PIK3CB: variants seen among roughly 807,000 people sequenced by gnomAD.
PIK3CB encodes phosphatidylinositol 4,5-bisphosphate 3-kinase catalytic subunit beta isoform.
A neutral mutation model predicts 136.8 loss-of-function variants in PIK3CB; 39 were observed. The ratio of observed to expected loss-of-function variants is 0.29; its 90% CI spans 0.22 to 0.37. The LOEUF (loss-of-function observed/expected upper bound fraction) is 0.37. Ranked by LOEUF, PIK3CB falls within the 10% of genes least tolerant of loss-of-function variation. The pLI is 1.00. For synonymous variants in PIK3CB, 428 were observed against 436.6 expected, an observed-to-expected ratio of 0.98 and a Z score of 0.25; for missense variants, 868 against 1,275.4, an observed-to-expected ratio of 0.68 and a Z score of 4.87.
chr3:138,696,007 G>A (rs2044130646), intron 13 of PIK3CB, among the ~76,000 whole-genome samples: 1 of 147,150 alleles, frequency 6.8e-6, no homozygotes, highest in African/African-American at 2.5e-5. Context: ...CTGACGTCAG[G>A]TGATCCACCC....
intron 21 of PIK3CB, 49 bp downstream of exon 21, chr3:138,663,857 A>G (rs961872349): frequency 4.4e-6 from 7 of 1,574,066 alleles, no homozygotes; most frequent in Non-Finnish European, 6.0e-6. Flanking sequence ...TGCTATACAT[A>G]AGAAATAGCA....
chr3:138,732,082 A>G (rs953329042), intron 8 of PIK3CB, among the ~76,000 whole-genome samples: 1 of 152,188 alleles, frequency 6.6e-6, no homozygotes, highest in African/African-American at 2.4e-5. Context: ...CATATATTTA[A>G]GGTGTACAAC....
chr3:138,789,325 G>C (rs182009550), intron 2 of PIK3CB, among the ~76,000 whole-genome samples: 2 of 152,176 alleles, frequency 1.3e-5, no homozygotes, highest in Non-Finnish European at 2.9e-5. Flanking sequence ...CAGGTGTGGT[G>C]GTGGGCACCT....
intron 1 of PIK3CB, among the ~76,000 whole-genome samples, chr3:138,829,900 T>C (rs1933947405): frequency 6.6e-6 from 1 of 152,188 alleles, no homozygotes. Context: ...AGGTGTCATG[T>C]AGGCAGGCAG....
intron 4 of PIK3CB, among the ~76,000 whole-genome samples, chr3:138,748,366 A>G (rs538100317): frequency 2.6e-5 from 4 of 151,838 alleles, no homozygotes; most frequent in Non-Finnish European, 5.9e-5. Flanking sequence ...CATCTCTGAA[A>G]CCTTCCCTTT....
intron 1 of PIK3CB, among the ~76,000 whole-genome samples, chr3:138,800,669 T>TGCTGGAG (rs2046162908): frequency 6.6e-6 from 1 of 152,088 alleles, no homozygotes; most frequent in African/African-American, 2.4e-5. Flanking sequence ...CTGTCACCCA[T>TGCTGGAG]GCTGGAGTGC....
At chr3:138,699,861 G>C (rs2044212512) in intron 12 of PIK3CB, among the ~76,000 whole-genome samples, 1 of 152,028 alleles carries the variant, frequency 6.6e-6, no homozygotes, top group African/African-American at 2.4e-5. Flanking sequence ...TCTCCAAGGA[G>C]CACTTACTTA....
In PIK3CB at chr3:138,697,967, A is replaced by C. The variant is rs1244188533; in HGVS notation, c.1770+940T>G. Among the ~76,000 whole-genome samples the C allele has an allele frequency of 7.9e-5, 12 of 152,018 alleles. No individual in the cohort carries two copies. In the South Asian group the frequency reaches 2.3e-3, roughly 29 times the overall value. The stretch of plus-strand genomic sequence containing the variant: ...AGGCTGGTCTGGAACTCCTGAGCTC[A>C]AGCGATCCACCTGCCTTGGCCTCCC... On this transcript the variant is annotated intron_variant, in intron 13 of 23. Transcript: ENST00000674063.
intron 19 of PIK3CB, among the ~76,000 whole-genome samples, chr3:138,675,903 G>A (rs2043632876): frequency 4.6e-5 from 7 of 152,158 alleles, no homozygotes; most frequent in Admixed American, 4.6e-4. Context: ...TTTTGACATA[G>A]ATGCCAAGAT....
intron 19 of PIK3CB, among the ~76,000 whole-genome samples, chr3:138,678,037 C>G (rs1260457040): frequency 6.6e-6 from 1 of 152,018 alleles, no homozygotes. Context: ...ACTTGTAAGA[C>G]TGAGGTGGGA....
At chr3:138,771,563 A>G (rs1454440435) in intron 2 of PIK3CB, among the ~76,000 whole-genome samples, 1 of 152,224 alleles carries the variant, frequency 6.6e-6, no homozygotes, top group Non-Finnish European at 1.5e-5. Flanking sequence ...CCGAATTGCT[A>G]TAATTATATG....
chr3:138,696,626 T>G (rs2044143046), intron 13 of PIK3CB, among the ~76,000 whole-genome samples: 2 of 152,118 alleles, frequency 1.3e-5, no homozygotes, highest in Non-Finnish European at 2.9e-5. Context: ...AATCAAAATC[T>G]CATGGGTTAT....
chr3:138,705,405 C>T (rs895151855), intron 11 of PIK3CB, among the ~76,000 whole-genome samples: 7 of 151,724 alleles, frequency 4.6e-5, no homozygotes, highest in African/African-American at 7.3e-5. Flanking sequence ...ACTACATAAA[C>T]GTATTGGATG....
chr3:138,664,987 TGTTTG>T, intron 20 of PIK3CB, 44 bp downstream of exon 20: 12 of 1,318,930 alleles, frequency 9.1e-6, no homozygotes, highest in Non-Finnish European at 1.3e-5. Flanking sequence ...ATACAGTATT[TGTTTG>T]GCTGTTTGTA....
Position 138,737,849 on chromosome 3 carries a change from G to A in PIK3CB, c.659C>T (p.Pro220Leu). 6.2e-7 allele frequency: 1 copy of A among 1,606,384 alleles called. No homozygotes were observed. The highest frequency in any genetic ancestry group is 2.3e-5 in the East Asian group (1 of 44,360). Reference sequence around the variant, plus strand: ...GATTGCCAATTCATTTACTTTGATAGGATTCATATTAGGAGACACTTGAAA... The same window carrying A: ...GATTGCCAATTCATTTACTTTGATAAGATTCATATTAGGAGACACTTGAAA... ...FSFQVSPNMN[P>L]IKVNELAIQK... Residue 220 changes from proline (P) to leucine (L), a missense_variant, in exon 6 of 24, where the codon CCT becomes CTT. By Grantham distance (98) the Pro-to-Leu change is moderately conservative. Around this residue, in one of 4 missense-constraint regions of PIK3CB, gnomAD observed 612 missense variants for 801.1 expected, o/e 0.76. Transcript: ENST00000674063.
At chr3:138,825,104 CT>C in intron 1 of PIK3CB, 1 of 276,722 alleles carries the variant, frequency 3.6e-6, no homozygotes, top group Non-Finnish European at 6.7e-6. Context: ...GAAAGGACTC[CT>C]TCAAGTATGC....
At chr3:138,668,508 A>C (rs1458442779) in intron 19 of PIK3CB, among the ~76,000 whole-genome samples, 1 of 152,176 alleles carries the variant, frequency 6.6e-6, no homozygotes, top group Non-Finnish European at 1.5e-5. Flanking sequence ...AAAGGCCAAG[A>C]CTACAATTTC....
intron 8 of PIK3CB, among the ~76,000 whole-genome samples, chr3:138,726,176 GTA>G (rs2044832301): frequency 6.6e-6 from 1 of 152,202 alleles, no homozygotes; most frequent in Non-Finnish European, 1.5e-5. Context: ...AGTTCTCAAA[GTA>G]TGTAGACTGT....
At chr3:138,733,088 A>T (rs965732396) in intron 8 of PIK3CB, among the ~76,000 whole-genome samples, 3 of 150,672 alleles carry the variant, frequency 2.0e-5, no homozygotes, top group South Asian at 4.1e-4. Context: ...CTTCTATATA[A>T]TATATAGAAG....
Sources: gnomAD v4.1 joint callset for allele counts (sites outside exome capture counted in the v4.1 genomes callset) on GRCh38, gnomAD v4.1.1 for gene constraint, gnomAD v4.1.1 regional missense constraint, MANE v1.5 for transcripts, NCBI Gene and HGNC (gene_info 2026-07-23, HGNC 2026-07-21) for gene names.